The following GSK3B variants were observed in gnomAD, a reference collection of about 807,000 sequenced individuals.
GSK3B encodes the protein glycogen synthase kinase-3 beta.
In GSK3B, 15 loss-of-function variants were observed where a neutral mutation model predicts 56.4. That is an observed-to-expected ratio of 0.27 (90% CI 0.18 to 0.41). The LOEUF (loss-of-function observed/expected upper bound fraction) is 0.41. GSK3B is among the 10% of genes least tolerant of loss of function. The probability of loss-of-function intolerance (pLI) is 1.00; values close to 1 mark genes in which losing one functional copy is unlikely to be tolerated. For missense variants in GSK3B, 300 were observed against 513.4 expected, an observed-to-expected ratio of 0.58 and a Z score of 4.02; for synonymous variants, 181 against 188.9, an observed-to-expected ratio of 0.96 and a Z score of 0.34.
intron 1 of GSK3B, among the ~76,000 whole-genome samples, chr3:120,020,979 C>T (rs1169829678): frequency 6.6e-6 from 1 of 152,150 alleles, no homozygotes; most frequent in Non-Finnish European, 1.5e-5. Context: ...TAAGCCAAAG[C>T]CTAAACCAGA....
intron 1 of GSK3B, among the ~76,000 whole-genome samples, chr3:120,005,120 G>A (rs2057715409): frequency 6.6e-6 from 1 of 151,830 alleles, no homozygotes; most frequent in Non-Finnish European, 1.5e-5. Context: ...ATGAGAACAT[G>A]GTGAAGCATA....
chr3:120,056,954 C>T (rs927392420), intron 1 of GSK3B, among the ~76,000 whole-genome samples: 1 of 152,170 alleles, frequency 6.6e-6, no homozygotes, highest in East Asian at 1.9e-4. Flanking sequence ...ACCAGCCTGG[C>T]CATAATGGCA....
chr3:120,016,531 A>G (rs527259366), intron 1 of GSK3B, among the ~76,000 whole-genome samples: 50 of 152,334 alleles, frequency 3.3e-4, no homozygotes, highest in African/African-American at 1.2e-3. Context: ...GCTAAGGACC[A>G]TGTCATAAAT....
rs188478944 is a variant in GSK3B, at chr3:119,893,886, A to C, written c.813+11869T>G. ...TCACTTTTGCCTTAAAAAAAAAAAA[A>C]AGCTTTACTGTACTTCATGTATCAT... On this transcript the variant is annotated intron_variant, in intron 7 of 10. Coordinates refer to ENST00000264235, the MANE Select transcript of GSK3B (RefSeq NM_001146156.2). Among the ~76,000 whole-genome samples, 13 of 152,102 alleles carry C rather than the reference A, an allele frequency of 8.5e-5. No individual in the cohort carries two copies. The East Asian group carries it at 2.5e-3, about 29-fold the overall frequency.
chr3:119,990,798 C>T (rs1001433742), intron 2 of GSK3B, among the ~76,000 whole-genome samples: 19 of 151,718 alleles, frequency 1.3e-4, no homozygotes, highest in Non-Finnish European at 5.9e-5. Context: ...AGTAGTGGCG[C>T]ATGCCTGCAA....
chr3:120,071,260 G>A (rs2058324179), intron 1 of GSK3B, among the ~76,000 whole-genome samples: 2 of 152,168 alleles, frequency 1.3e-5, no homozygotes, highest in Admixed American at 1.3e-4. Context: ...TAGCTCCTCA[G>A]TGCTCATTTT....
chr3:119,949,222 T>C (rs1182372747), intron 2 of GSK3B, among the ~76,000 whole-genome samples: 1 of 152,196 alleles, frequency 6.6e-6, no homozygotes, highest in Non-Finnish European at 1.5e-5. Flanking sequence ...CATAATACTT[T>C]TGATCAAAAA....
At chr3:119,946,335 T>TA (rs951410779) in intron 3 of GSK3B, among the ~76,000 whole-genome samples, 179 of 150,596 alleles carry the variant, frequency 1.2e-3, no homozygotes, top group African/African-American at 2.1e-3. Context: ...ATATTTGCTG[T>TA]AAAAAAAAAG....
chr3:119,886,163 G>C (rs1396343599), intron 7 of GSK3B, among the ~76,000 whole-genome samples: 1 of 151,976 alleles, frequency 6.6e-6, no homozygotes, highest in Non-Finnish European at 1.5e-5. Flanking sequence ...CTCATATCCA[G>C]AATCTATAAG....
chr3:120,069,357 A>C (rs888727246), intron 1 of GSK3B, among the ~76,000 whole-genome samples: 2 of 152,234 alleles, frequency 1.3e-5, no homozygotes, highest in Non-Finnish European at 2.9e-5. Context: ...GAGAAGAATA[A>C]AAACTAAAGA....
rs994089361 is a variant in GSK3B, at chr3:120,093,792, C to T, written c.-358G>A. 7.9e-6 allele frequency: 2 copies of T among 252,100 alleles called. No individual in the cohort carries two copies. The highest frequency in any genetic ancestry group is 1.5e-5 in the Non-Finnish European group (2 of 130,526). The allele number at this position is 252,100 out of a possible 1,614,324, so 15.6% of individuals were successfully genotyped here. A position where few individuals can be genotyped will look rare whatever the true frequency, so the allele number is the denominator to read the frequency against. ...GCAAATACTTGATTGAAAATGAGTA[C>T]TTCGAATATTATATTTTCCTCGGGG... On this transcript the variant is annotated 5_prime_UTR_variant, in exon 1 of 11. Transcript: ENST00000264235.
intron 2 of GSK3B, among the ~76,000 whole-genome samples, chr3:119,962,240 T>G (rs2057278952): frequency 2.6e-5 from 4 of 151,986 alleles, no homozygotes; most frequent in Admixed American, 2.6e-4. Context: ...CCAAGCGTGG[T>G]GGTGCATACC....
intron 2 of GSK3B, among the ~76,000 whole-genome samples, chr3:119,963,625 C>CAAAAAAAAAAAAAAAAAAAAAAAA (rs774359104): frequency 7.6e-5 from 6 of 79,116 alleles, no homozygotes; most frequent in African/African-American, 1.3e-4. Context: ...TTCTTCCCCA[C>CAAAAAAAAAAAAAAAAAAAAAAAA]AAAAAAAAAA....
chr3:120,082,967 A>G (rs1225630887), intron 1 of GSK3B, among the ~76,000 whole-genome samples: 1 of 151,774 alleles, frequency 6.6e-6, no homozygotes, highest in African/African-American at 2.4e-5. Context: ...AGTCTAAACA[A>G]TTACTTAATA....
At position 119,928,479 on chromosome 3, in the gene GSK3B, C is replaced by T. The variant is rs1380012004; in HGVS notation, c.367-4996G>A. Among the ~76,000 whole-genome samples, 18 of 151,684 alleles carry T rather than the reference C, an allele frequency of 1.2e-4. 1 individual carries two copies. The highest frequency in any genetic ancestry group is 3.4e-4 in the African/African-American group (14 of 41,292). ...AATTAGCCGGGCATGGTGGCAGGTGCCTGTAGTCCTAGCTACTTGGGAGGC... is the reference window on the plus strand; with the variant it reads ...AATTAGCCGGGCATGGTGGCAGGTGTCTGTAGTCCTAGCTACTTGGGAGGC... On this transcript the variant is annotated intron_variant, in intron 3 of 10. Coordinates refer to ENST00000264235, the MANE Select transcript of GSK3B (RefSeq NM_001146156.2).
At chr3:119,964,118 G>A (rs4688048) in intron 2 of GSK3B, among the ~76,000 whole-genome samples, 2 of 152,184 alleles carry the variant, frequency 1.3e-5, no homozygotes, top group South Asian at 4.1e-4. Context: ...CTGACAAGGA[G>A]TTAATTTCAG....
chr3:119,877,278 T>C (rs1018760564), intron 7 of GSK3B, among the ~76,000 whole-genome samples: 11 of 152,152 alleles, frequency 7.2e-5, no homozygotes, highest in African/African-American at 2.4e-4. Context: ...TCCCTTGGTA[T>C]TCAGATTGTT....
intron 2 of GSK3B, among the ~76,000 whole-genome samples, chr3:119,955,245 A>AC (rs1054244970): frequency 6.6e-6 from 1 of 151,776 alleles, no homozygotes; most frequent in Non-Finnish European, 1.5e-5. Flanking sequence ...AAAAAAAAAA[A>AC]AAAACACAAA....
chr3:119,960,798 CAT>C (rs899892522), intron 2 of GSK3B, among the ~76,000 whole-genome samples: 1 of 152,114 alleles, frequency 6.6e-6, no homozygotes, highest in African/African-American at 2.4e-5. Context: ...ATCTATTTTG[CAT>C]ATTTATTCAT....
Sources: gnomAD v4.1 joint callset for allele counts (sites outside exome capture counted in the v4.1 genomes callset) on GRCh38, gnomAD v4.1.1 for gene constraint, MANE v1.5 for transcripts, NCBI Gene and HGNC (gene_info 2026-07-23, HGNC 2026-07-21) for gene names.